COL25A1: variants seen among roughly 807,000 people sequenced by gnomAD.
COL25A1 encodes collagen type XXV alpha 1 chain, also known as collagen alpha-1(XXV) chain.
A neutral mutation model predicts 128.4 loss-of-function variants in COL25A1; 103 were observed. That is an observed-to-expected ratio of 0.80 (90% CI 0.68 to 0.94). The LOEUF is 0.94. Ranked by LOEUF, COL25A1 falls within the 40% of genes least tolerant of loss-of-function variation. The pLI, the probability that COL25A1 is intolerant of heterozygous loss-of-function variation, is 0.00. For missense variants in COL25A1, 745 were observed against 840.0 expected (o/e 0.89, Z 1.40); for synonymous variants, 279 against 277.2 (o/e 1.01, Z -0.06).
intron 19 of COL25A1, among the ~76,000 whole-genome samples, chr4:108,875,306 C>T (rs987879761): frequency 2.6e-5 from 4 of 152,076 alleles, no homozygotes; most frequent in Non-Finnish European, 4.4e-5. Flanking sequence ...TTTTGCAATC[C>T]ACTCATCTGA....
chr4:109,076,835 T>C (rs1763422830), intron 3 of COL25A1, among the ~76,000 whole-genome samples: 1 of 151,938 alleles, frequency 6.6e-6, no homozygotes, highest in Non-Finnish European at 1.5e-5. Context: ...ACATGCACAG[T>C]TCACAATAGG....
At chr4:109,248,030 A>C (rs1418256844) in intron 3 of COL25A1, among the ~76,000 whole-genome samples, 1 of 152,174 alleles carries the variant, frequency 6.6e-6, no homozygotes, top group Non-Finnish European at 1.5e-5. Flanking sequence ...AAAAGACCTG[A>C]GAAAAACCCG....
At chr4:108,930,140 T>C (rs907442187) in intron 11 of COL25A1, among the ~76,000 whole-genome samples, 2 of 152,078 alleles carry the variant, frequency 1.3e-5, no homozygotes, top group South Asian at 2.1e-4. Context: ...TGAGGTTTCC[T>C]CAAAGGAGGT....
intron 3 of COL25A1, among the ~76,000 whole-genome samples, chr4:109,070,388 T>C (rs538054155): frequency 6.6e-6 from 1 of 152,008 alleles, no homozygotes; most frequent in East Asian, 1.9e-4. Context: ...TAATCCCACA[T>C]CATAAGCCCT....
intron 3 of COL25A1, among the ~76,000 whole-genome samples, chr4:109,058,552 C>A (rs940442247): frequency 6.6e-6 from 1 of 151,866 alleles, no homozygotes; most frequent in Non-Finnish European, 1.5e-5. Flanking sequence ...AAAATAAGAT[C>A]AAAAGTTGAA....
chr4:109,013,437 A>G (rs953922864), intron 5 of COL25A1, among the ~76,000 whole-genome samples: 3 of 141,280 alleles, frequency 2.1e-5, no homozygotes, highest in Non-Finnish European at 3.1e-5. Flanking sequence ...TAAGAGAATA[A>G]AAGCAGGCTG....
intron 3 of COL25A1, among the ~76,000 whole-genome samples, chr4:109,132,240 C>A (rs1769281105): frequency 6.6e-6 from 1 of 152,110 alleles, no homozygotes; most frequent in East Asian, 1.9e-4. Flanking sequence ...ATAATACACA[C>A]ACACATGCAT....
chr4:108,956,191 G>GT (rs1387320966), intron 8 of COL25A1, among the ~76,000 whole-genome samples: 2 of 152,070 alleles, frequency 1.3e-5, no homozygotes, highest in Non-Finnish European at 2.9e-5. Flanking sequence ...TTTTAAAAGG[G>GT]TTATTAGTAG....
intron 5 of COL25A1, among the ~76,000 whole-genome samples, chr4:109,025,985 T>C (rs1252352087): frequency 6.6e-6 from 1 of 152,018 alleles, no homozygotes; most frequent in African/African-American, 2.4e-5. Context: ...TGGCTGCCCA[T>C]GGGCTTGGGC....
At chr4:108,974,317 T>C (rs1394190756) in intron 8 of COL25A1, 50 bp downstream of exon 8, 1 of 1,597,992 alleles carries the variant, frequency 6.3e-7, no homozygotes, top group East Asian at 2.2e-5. Context: ...TTCAATAAAC[T>C]TGGAGTTAGA....
chr4:109,089,915 A>T (rs1004577741), intron 3 of COL25A1, among the ~76,000 whole-genome samples: 1 of 152,094 alleles, frequency 6.6e-6, no homozygotes, highest in Admixed American at 6.6e-5. Flanking sequence ...ATATTTTAGA[A>T]GTATAATTGC....
At chr4:108,929,764 T>C (rs1026941065) in intron 11 of COL25A1, among the ~76,000 whole-genome samples, 2 of 152,006 alleles carry the variant, frequency 1.3e-5, no homozygotes, top group Admixed American at 1.3e-4. Flanking sequence ...AGTTTGAGGC[T>C]GAGGTGAGCT....
At chr4:109,287,629 T>A (rs1331105115) in intron 3 of COL25A1, among the ~76,000 whole-genome samples, 1 of 152,200 alleles carries the variant, frequency 6.6e-6, no homozygotes, top group African/African-American at 2.4e-5. Flanking sequence ...AACCCACCTG[T>A]AGTTTCAATG....
chr4:109,110,209 C>T (rs1247438910), intron 3 of COL25A1, among the ~76,000 whole-genome samples: 3 of 152,110 alleles, frequency 2.0e-5, no homozygotes, highest in African/African-American at 4.8e-5. Flanking sequence ...TAGAGACAAC[C>T]AGGTGCTCCC....
rs537994345 is a variant in COL25A1 at position 109,242,462 on chromosome 4, T to C, written c.367+58121A>G. ...AGGTTGAAGGTCAAATTATGAATGGTTGTTTTATGGTCTGGGAGACTGGCC... is the reference window on the plus strand; with the variant it reads ...AGGTTGAAGGTCAAATTATGAATGGCTGTTTTATGGTCTGGGAGACTGGCC... On this transcript the variant is annotated intron_variant, in intron 3 of 37. Transcript: ENST00000399132. 5.3e-5 allele frequency among the ~76,000 whole-genome samples: 8 copies of C among 152,222 alleles called. No homozygotes were observed. The South Asian group carries it at 1.2e-3, about 24-fold the overall frequency.
intron 3 of COL25A1, among the ~76,000 whole-genome samples, chr4:109,104,137 C>T (rs1766168899): frequency 6.6e-6 from 1 of 152,048 alleles, no homozygotes; most frequent in Non-Finnish European, 1.5e-5. Context: ...CTTTGGGAAG[C>T]TGAGGTGGGA....
At chr4:108,886,486 G>GTTTT (rs1199944880) in intron 18 of COL25A1, among the ~76,000 whole-genome samples, 1 of 79,910 alleles carries the variant, frequency 1.3e-5, no homozygotes, top group African/African-American at 4.3e-5. Context: ...GTGTGTGTGT[G>GTTTT]TGTGTGTTTA....
At chr4:109,082,668 GT>G (rs1290905106) in intron 3 of COL25A1, among the ~76,000 whole-genome samples, 1 of 152,094 alleles carries the variant, frequency 6.6e-6, no homozygotes, top group Admixed American at 6.6e-5. Context: ...AGTTGTAAGA[GT>G]TCTTTTTATA....
intron 11 of COL25A1, among the ~76,000 whole-genome samples, chr4:108,926,607 C>G (rs1408916559): frequency 6.6e-6 from 1 of 152,030 alleles, no homozygotes; most frequent in African/African-American, 2.4e-5. Context: ...TTTGGTACAA[C>G]AGACTTTAAT....
Sources: gnomAD v4.1 joint callset for allele counts (sites outside exome capture counted in the v4.1 genomes callset) on GRCh38, gnomAD v4.1.1 for gene constraint, MANE v1.5 for transcripts, NCBI Gene and HGNC (gene_info 2026-07-23, HGNC 2026-07-21) for gene names.